The following GPC3 variants were observed in gnomAD, a reference collection of about 807,000 sequenced individuals.
The protein encoded by GPC3 is glypican 3.
In GPC3, 3 loss-of-function variants were observed where a neutral mutation model predicts 34.4. That is an observed-to-expected ratio of 0.09 (90% CI 0.04 to 0.23). The LOEUF is 0.23. Ranked by LOEUF, GPC3 falls within the 10% of genes least tolerant of loss-of-function variation. The pLI, the probability that GPC3 is intolerant of heterozygous loss-of-function variation, is 1.00. For missense variants in GPC3, 351 were observed against 445.6 expected, an observed-to-expected ratio of 0.79 and a Z score of 1.91; for synonymous variants, 177 against 174.0, an observed-to-expected ratio of 1.02 and a Z score of -0.13.
intron 3 of GPC3, among the ~76,000 whole-genome samples, chrX:133,737,180 G>T (rs766785783): frequency 2.9e-4 from 33 of 112,374 alleles, no homozygotes; most frequent in Non-Finnish European, 4.5e-4. Context: ...TAAAAAGGTC[G>T]GTGGTTATCA....
intron 3 of GPC3, among the ~76,000 whole-genome samples, chrX:133,711,998 TA>T (rs1456729737): frequency 8.9e-6 from 1 of 112,598 alleles, no homozygotes; most frequent in African/African-American, 3.2e-5. Context: ...CACTTTAAAA[TA>T]TTTTTTGAAG....
At chrX:133,776,878 C>CTTTTTTTTTTTT (rs10633635) in intron 2 of GPC3, among the ~76,000 whole-genome samples, 33 of 79,613 alleles carry the variant, frequency 4.1e-4, no homozygotes, top group Non-Finnish European at 7.0e-4. Context: ...CCTTTCTTTT[C>CTTTTTTTTTTTT]TTTTTTTTTT....
chrX:133,616,879 T>C (rs1356493615), intron 6 of GPC3, among the ~76,000 whole-genome samples: 1 of 108,519 alleles, frequency 9.2e-6, no homozygotes, highest in Non-Finnish European at 1.9e-5. Context: ...TTGTATTTTT[T>C]AGTAGAGATG....
At chrX:133,705,436 C>T (rs776122340) in intron 3 of GPC3, among the ~76,000 whole-genome samples, 10 of 111,578 alleles carry the variant, frequency 9.0e-5, no homozygotes, top group African/African-American at 3.3e-4. Flanking sequence ...AAGTGATCTG[C>T]CCACCTTGGT....
At chrX:133,858,807 C>T (rs183538804) in intron 2 of GPC3, among the ~76,000 whole-genome samples, 596 of 111,595 alleles carry the variant, frequency 5.3e-3, no homozygotes, top group Non-Finnish European at 8.1e-3. Context: ...TCTGGCCAGG[C>T]GCGGTGGCTC....
intron 2 of GPC3, among the ~76,000 whole-genome samples, chrX:133,815,808 T>G (rs1218748671): frequency 8.9e-6 from 1 of 111,944 alleles, no homozygotes; most frequent in African/African-American, 3.2e-5. Flanking sequence ...TTGTTCTAAA[T>G]GCATGGGACC....
At chrX:133,761,637 T>C (rs1355930239) in intron 2 of GPC3, among the ~76,000 whole-genome samples, 1 of 111,905 alleles carries the variant, frequency 8.9e-6, no homozygotes, top group Non-Finnish European at 1.9e-5. Context: ...AAGGCTATTA[T>C]AGATCAGAGA....
chrX:133,540,087 G>T (rs911428155), intron 7 of GPC3, among the ~76,000 whole-genome samples: 1 of 112,188 alleles, frequency 8.9e-6, no homozygotes, highest in Non-Finnish European at 1.9e-5. Flanking sequence ...AAGTAGAAAG[G>T]GCTCAGTTAA....
chrX:133,745,929 G>A (rs7876323), intron 3 of GPC3, among the ~76,000 whole-genome samples: 5,389 of 111,932 alleles, frequency 0.048, 344 homozygotes, highest in African/African-American at 0.17. Flanking sequence ...TAGAGATGAT[G>A]TTTCCCTTTA....
rs759521287 is a variant in GPC3, at chrX:133,930,635, T to G, written c.337+22415A>C. Among the ~76,000 whole-genome samples, 8 of 112,311 alleles carry G rather than the reference T, an allele frequency of 7.1e-5. No homozygotes were observed. The East Asian group carries it at 2.3e-3, about 32-fold the overall frequency. ...TTAATGTGGAGTTTTACAAATACAA[T>G]TTTATTTTTTTTCTTTTTTGAGACG... On this transcript the variant is annotated intron_variant, in intron 2 of 7. Coordinates refer to ENST00000370818, the MANE Select transcript of GPC3 (RefSeq NM_004484.4).
chrX:133,886,798 T>C (rs1201089038), intron 2 of GPC3, among the ~76,000 whole-genome samples: 1 of 112,644 alleles, frequency 8.9e-6, no homozygotes, highest in East Asian at 2.8e-4. Flanking sequence ...TGTGGCAGCA[T>C]ATTATTTCAT....
At chrX:133,612,090 A>T (rs1451167991) in intron 6 of GPC3, among the ~76,000 whole-genome samples, 1 of 111,951 alleles carries the variant, frequency 8.9e-6, no homozygotes, top group Non-Finnish European at 1.9e-5. Flanking sequence ...AATATAAAAC[A>T]TGGAGGGCCA....
chrX:133,549,610 C>CCTCTCT (rs60078616), intron 7 of GPC3, among the ~76,000 whole-genome samples: 5 of 99,588 alleles, frequency 5.0e-5, no homozygotes, highest in South Asian at 5.3e-4. Flanking sequence ...CCTGGAATGG[C>CCTCTCT]CTCTCTCTCT....
intron 6 of GPC3, among the ~76,000 whole-genome samples, chrX:133,620,253 T>C (rs1373614270): frequency 2.8e-5 from 3 of 108,284 alleles, no homozygotes; most frequent in Admixed American, 1.0e-4. Context: ...CTACTCTTTA[T>C]AGGTATGACT....
intron 1 of GPC3, among the ~76,000 whole-genome samples, chrX:133,966,692 C>T (rs1343412390): frequency 2.7e-5 from 3 of 112,074 alleles, no homozygotes; most frequent in Non-Finnish European, 3.8e-5. Flanking sequence ...TCTTGATCCC[C>T]GAGTGAGAAG....
chrX:133,691,025 G>T (rs182276927), intron 5 of GPC3, among the ~76,000 whole-genome samples: 2 of 111,820 alleles, frequency 1.8e-5, no homozygotes, highest in African/African-American at 6.5e-5. Context: ...TACCACTAGC[G>T]CACCAGAATG....
intron 3 of GPC3, among the ~76,000 whole-genome samples, chrX:133,734,180 C>G (rs2071487567): frequency 8.9e-6 from 1 of 111,875 alleles, no homozygotes; most frequent in Non-Finnish European, 1.9e-5. Context: ...AAAATATAAA[C>G]AGCATCATAT....
chrX:133,654,330 C>T (rs1473452329), intron 6 of GPC3, among the ~76,000 whole-genome samples: 1 of 111,623 alleles, frequency 9.0e-6, no homozygotes, highest in Non-Finnish European at 1.9e-5. Flanking sequence ...AATACACACA[C>T]ACATACATAC....
intron 2 of GPC3, among the ~76,000 whole-genome samples, chrX:133,895,878 T>G (rs955821005): frequency 9.0e-6 from 1 of 111,722 alleles, no homozygotes; most frequent in African/African-American, 3.3e-5. Flanking sequence ...GAAAAATTTC[T>G]GTCCTTGCTA....
Sources: gnomAD v4.1 joint callset for allele counts (sites outside exome capture counted in the v4.1 genomes callset) on GRCh38, gnomAD v4.1.1 for gene constraint, MANE v1.5 for transcripts, NCBI Gene and HGNC (gene_info 2026-07-23, HGNC 2026-07-21) for gene names.